The following PDZD9 variants were observed in gnomAD, a reference collection of about 807,000 sequenced individuals.
PDZD9 encodes PDZ domain-containing protein 9.
PDZD9 carries 13 observed loss-of-function variants against 16.3 expected under a neutral mutation model. The observed-to-expected ratio is 0.80, with a 90% CI of 0.52 to 1.27. PDZD9 has a LOEUF of 1.27. Among genes scored for constraint, PDZD9 ranks in the 50% most tolerant of loss-of-function variants. The pLI, the probability that PDZD9 is intolerant of heterozygous loss-of-function variation, is 0.00. For synonymous variants in PDZD9, 120 were observed against 111.0 expected (o/e 1.08, Z -0.51); for missense variants, 288 against 310.9 (o/e 0.93, Z 0.55).
At chr16:21,962,288 T>A in the PDZD9 span, 2 of 702,384 alleles carry the variant, frequency 2.8e-6, no homozygotes, top group Non-Finnish European at 4.6e-6. Flanking sequence ...TGCTGGTTTT[T>A]AAAAAAATTT....
chr16:21,981,219 T>C (rs1293818146), downstream of PDZD9, among the ~76,000 whole-genome samples: 1 of 152,204 alleles, frequency 6.6e-6, no homozygotes, highest in East Asian at 1.9e-4. Flanking sequence ...GCTAATTTTT[T>C]TTTCACATAT....
At chr16:21,978,511 C>T in the PDZD9 span, among the ~76,000 whole-genome samples, 1 of 152,158 alleles carries the variant, frequency 6.6e-6, no homozygotes, top group South Asian at 2.1e-4. Flanking sequence ...CTGTACTGCC[C>T]TTCCCCACCT....
At chr16:21,980,497 A>C (rs573828421), downstream of PDZD9, 62 of 1,586,350 alleles carry the variant, frequency 3.9e-5, 3 homozygotes, top group South Asian at 7.1e-4. Flanking sequence ...TCAGAAAAAA[A>C]AAATAATTGC....
chr16:21,970,806 G>A, the PDZD9 span, among the ~76,000 whole-genome samples: 1 of 152,188 alleles, frequency 6.6e-6, no homozygotes, highest in East Asian at 1.9e-4. Flanking sequence ...GACTGGTCTC[G>A]AACTCCTGAG....
the PDZD9 span, chr16:21,971,829 G>C: frequency 1.2e-4 from 185 of 1,553,336 alleles, no homozygotes; most frequent in Non-Finnish European, 1.5e-4. Context: ...GAAAAGACTC[G>C]TGGGTTAATA....
At chr16:21,985,457 G>T (rs1240389043) in intron 3 of PDZD9, among the ~76,000 whole-genome samples, 1 of 152,044 alleles carries the variant, frequency 6.6e-6, no homozygotes, top group East Asian at 1.9e-4. Context: ...TGTTGTTGTT[G>T]TTGTTGTTTT....
the PDZD9 span, chr16:21,959,434 A>G: frequency 1.6e-5 from 3 of 186,294 alleles, no homozygotes; most frequent in South Asian, 1.7e-4. Context: ...TTCAAGCTTT[A>G]TCATAAGATT....
chr16:21,977,542 A>G, the PDZD9 span, among the ~76,000 whole-genome samples: 1 of 152,132 alleles, frequency 6.6e-6, no homozygotes, highest in Non-Finnish European at 1.5e-5. Flanking sequence ...GCTATTTGGC[A>G]ATTTATAAAT....
Position 21,988,764 on chromosome 16 carries a change from G to T in PDZD9, c.239C>A (p.Ala80Asp). 4.3e-6 allele frequency: 7 copies of T among 1,612,108 alleles called. No individual in the cohort carries two copies. Among genetic ancestry groups the T allele is most frequent in the Non-Finnish European group, 5.9e-6 (7 of 1,179,594 alleles). The change falls in exon 3 of 4, where the codon GCC (alanine) becomes GAC (aspartate). Residue 80 changes from alanine (A) to aspartate (D), a missense_variant. Ala to Asp is a moderately radical substitution (Grantham distance 126). Transcript: ENST00000424898. ...PGDVLISVGH[A>D]NVLGYTLREF... ...TCGAAGAGTATATCCTAACACATTG[G>T]CATGGCCAACACTAATCAGAACATC...
At chr16:21,967,743 A>C in the PDZD9 span, among the ~76,000 whole-genome samples, 3 of 152,126 alleles carry the variant, frequency 2.0e-5, no homozygotes, top group African/African-American at 4.8e-5. Flanking sequence ...AGTAATTGTG[A>C]TCTTACAGTT....
the PDZD9 span, chr16:21,968,629 T>TA: frequency 6.2e-7 from 1 of 1,606,676 alleles, no homozygotes; most frequent in Non-Finnish European, 8.5e-7. Flanking sequence ...CTTCCTCAGT[T>TA]ACATTACTTC....
the PDZD9 span, among the ~76,000 whole-genome samples, chr16:21,965,701 A>G: frequency 1.3e-5 from 2 of 152,206 alleles, no homozygotes; most frequent in African/African-American, 4.8e-5. Flanking sequence ...AAATGTTTTC[A>G]TGACTAAAGG....
At chr16:21,967,036 G>A in the PDZD9 span, among the ~76,000 whole-genome samples, 6 of 152,128 alleles carry the variant, frequency 3.9e-5, no homozygotes, top group Non-Finnish European at 7.3e-5. Flanking sequence ...AGGTATGTAT[G>A]TATGCATTAT....
the PDZD9 span, among the ~76,000 whole-genome samples, chr16:21,975,953 G>A: frequency 6.6e-6 from 1 of 152,178 alleles, no homozygotes; most frequent in Non-Finnish European, 1.5e-5. Context: ...AGCTTCTTGG[G>A]AGGCTGGGGC....
At chr16:21,958,923 T>C in the PDZD9 span, among the ~76,000 whole-genome samples, 1 of 152,240 alleles carries the variant, frequency 6.6e-6, no homozygotes, top group Non-Finnish European at 1.5e-5. Context: ...ATAAAAGTTA[T>C]GTTTACACTA....
At position 21,988,628 on chromosome 16, in the gene PDZD9, G is replaced by T. The variant is rs1898941507; in HGVS notation, c.375C>A (p.Ile125=). 1.2e-6 allele frequency: 2 copies of T among 1,612,224 alleles called. No homozygotes were observed. Among genetic ancestry groups the T allele is most frequent in the Non-Finnish European group, 1.7e-6 (2 of 1,179,148 alleles). Residue 125 remains isoleucine (I), a synonymous_variant, in exon 3 of 4, where the codon ATC becomes ATA. Transcript: ENST00000424898. The part of the protein sequence containing the change: ...PEEWQEIYDL[I]PEAKFPVTST... ...TTGTTACTGGGAATTTGGCCTCAGG[G>T]ATTAAATCATATATTTCTTGCCATT...
the PDZD9 span, chr16:21,962,193 C>T: frequency 1.8e-5 from 8 of 433,052 alleles, 1 homozygote; most frequent in Middle Eastern, 6.4e-4. Context: ...TTGTGACTGG[C>T]TTATTATCCT....
intron 1 of PDZD9, among the ~76,000 whole-genome samples, chr16:21,996,984 G>A (rs1245583680): frequency 6.6e-6 from 1 of 152,046 alleles, no homozygotes; most frequent in Non-Finnish European, 1.5e-5. Context: ...TACTATACAC[G>A]GCTAATTTTT....
At chr16:21,974,304 T>C in the PDZD9 span, among the ~76,000 whole-genome samples, 1 of 152,144 alleles carries the variant, frequency 6.6e-6, no homozygotes, top group Non-Finnish European at 1.5e-5. Flanking sequence ...AGTGTAGAGA[T>C]TGTGTTGAAA....
Sources: allele counts gnomAD v4.1 joint callset (sites outside exome capture counted in the v4.1 genomes callset), GRCh38; gene constraint gnomAD v4.1.1; transcripts MANE v1.5; gene names NCBI Gene and HGNC (gene_info 2026-07-23, HGNC 2026-07-21).